The following MXD1 variants were observed in gnomAD, a reference collection of about 807,000 sequenced individuals.
The protein encoded by MXD1 is MAX-binding protein.
In MXD1, 9 loss-of-function variants were observed where a neutral mutation model predicts 25.7. The observed-to-expected ratio is 0.35, with a 90% CI of 0.21 to 0.61. The LOEUF (loss-of-function observed/expected upper bound fraction) is 0.61, where lower values mean the gene tolerates loss of function less well. Among genes scored for constraint, MXD1 ranks in the 20% least tolerant of loss-of-function variants. The pLI is 0.75. For missense variants in MXD1, 227 were observed against 292.4 expected, an observed-to-expected ratio of 0.78 and a Z score of 1.63; for synonymous variants, 99 against 113.9, an observed-to-expected ratio of 0.87 and a Z score of 0.83.
intron 3 of MXD1, among the ~76,000 whole-genome samples, chr2:69,923,815 T>C (rs964071992): frequency 2.6e-5 from 4 of 152,252 alleles, no homozygotes. Flanking sequence ...AGATTTTCTC[T>C]TCAGATTCTC....
rs372477349 is a variant in MXD1, at chr2:69,938,179, C to T, written c.561C>T (p.Asp187=). 54 of 1,614,090 alleles carry T rather than the reference C, an allele frequency of 3.3e-5. No individual in the cohort carries two copies. The highest frequency in any genetic ancestry group is 2.0e-4 in the Admixed American group (12 of 60,008). The change falls in exon 6 of 6, where the codon GAC becomes GAT. Residue 187 remains aspartate, a synonymous_variant. Transcript: ENST00000264444. ...GCAGCAGCAGTGTGAGCGACTCTGA[C>T]GAGCGGGGCAGCATGCAGAGCCTCG... ...DWSSSSVSDS[D]ERGSMQSLGS... is the part of the protein sequence containing the mutation.
chr2:69,920,337 T>C (rs1677042277), intron 2 of MXD1, among the ~76,000 whole-genome samples: 1 of 152,232 alleles, frequency 6.6e-6, no homozygotes, highest in Non-Finnish European at 1.5e-5. Context: ...ATGAGGTCCA[T>C]ATATTGTTTA....
At position 69,915,292 on chromosome 2, in the gene MXD1, A is replaced by C. The variant is rs1345889399; in HGVS notation, c.-39A>C. On this transcript the variant is annotated 5_prime_UTR_variant, in exon 1 of 6. Transcript: ENST00000264444. This position sits in a 1 kb window ranked among gnomAD's most constrained non-coding sequence, Gnocchi z 5.8. ...CGGCGGCGGCAGCGAGCCCGTGGGC[A>C]GTGGGGGTTGGTCCCGTGGCTCCGG... 3.1e-6 allele frequency: 4 copies of C among 1,302,710 alleles called. No individual in the cohort carries two copies. The Admixed American group carries it at 1.6e-4, about 53-fold the overall frequency. The allele number at this position is 1,302,710 out of a possible 1,614,324, so 80.7% of individuals were successfully genotyped here.
intron 3 of MXD1, 103 bp from the exon 4 acceptor site, chr2:69,935,248 G>A (rs568998840): frequency 1.1e-4 from 82 of 772,108 alleles, no homozygotes; most frequent in Middle Eastern, 3.5e-4. Context: ...ATTTGCCATC[G>A]CAAGGCCTGG....
In MXD1 at chr2:69,940,150, T is replaced by C. The variant is rs912233897; in HGVS notation, c.*1866T>C. ...GGAGGGGCAGGTGACACAAAGGATT[T>C]TTTTTTTTTTTTTTTAATTTTTGGA... On this transcript the variant is annotated 3_prime_UTR_variant, in exon 6 of 6. Transcript: ENST00000264444. 6.7e-6 allele frequency: 1 copy of C among 150,214 alleles called. No individual in the cohort carries two copies. The highest frequency in any genetic ancestry group is 1.5e-5 in the Non-Finnish European group (1 of 67,638). 9.3% of individuals were successfully genotyped at this position (150,214 alleles called of 1,614,324 possible). A position where few individuals can be genotyped will look rare whatever the true frequency, so the allele number is the denominator to read the frequency against.
intron 4 of MXD1, among the ~76,000 whole-genome samples, chr2:69,936,225 G>A (rs143525073): frequency 4.6e-5 from 7 of 152,166 alleles, no homozygotes; most frequent in African/African-American, 9.6e-5. Flanking sequence ...CCTCCTTCCT[G>A]TGACAGGTGG....
rs184517438 is a variant in MXD1, at chr2:69,936,393, G to A, written c.319-842G>A. On this transcript the variant is annotated intron_variant, in intron 4 of 5. Coordinates refer to ENST00000264444, the MANE Select transcript of MXD1 (RefSeq NM_002357.4). ...AGCCCCAGCACCTCCTAGGGTATCG[G>A]GCACAGAGTTGACACTCTCTTTGCT... 1.6e-3 allele frequency among the ~76,000 whole-genome samples: 239 copies of A among 152,256 alleles called. 1 individual carries two copies. The highest frequency in any genetic ancestry group is 2.0e-3 in the Non-Finnish European group (134 of 68,030).
At chr2:69,916,917 T>TA (rs1237183185) in intron 2 of MXD1, among the ~76,000 whole-genome samples, 16 of 152,246 alleles carry the variant, frequency 1.1e-4, no homozygotes, top group Admixed American at 1.0e-3. Context: ...AATCACATAT[T>TA]AAAGTCCTAT....
intron 3 of MXD1, among the ~76,000 whole-genome samples, chr2:69,929,172 C>T (rs1476969126): frequency 1.2e-4 from 18 of 152,160 alleles, no homozygotes. Flanking sequence ...GGATTACAGG[C>T]GTGAGCCACT....
intron 3 of MXD1, among the ~76,000 whole-genome samples, chr2:69,930,653 A>T (rs1024848205): frequency 6.6e-6 from 1 of 152,274 alleles, no homozygotes; most frequent in Non-Finnish European, 1.5e-5. Context: ...TCAAGGAAGT[A>T]TTCAGAAAAG....
At chr2:69,916,474 CT>C (rs1676964204) in intron 2 of MXD1, 1 of 280,832 alleles carries the variant, frequency 3.6e-6, no homozygotes, top group South Asian at 5.3e-5. Flanking sequence ...CTTTTCTTCC[CT>C]TTTGGAACAA....
intron 2 of MXD1, among the ~76,000 whole-genome samples, 181 bp from the exon 3 acceptor site, chr2:69,921,555 T>C (rs913330100): frequency 6.6e-6 from 1 of 152,252 alleles, no homozygotes; most frequent in Admixed American, 6.5e-5. Flanking sequence ...ATTTTAGGAT[T>C]TACATTTATC....
Position 69,937,237 on chromosome 2 carries a change from A to T in MXD1, c.321A>T (p.Lys107Asn), listed in dbSNP as rs779909048. ...ACAACTACCCCTTTGACTTGCAGAA[A>T]CTTGAAGATTGTGACAGAAAAGCCG... ...LLTKAKLHIKKLEDCDRKAVH... is the reference protein window; with the variant it reads ...LLTKAKLHIKNLEDCDRKAVH... Residue 107 changes from lysine to asparagine, a missense_variant and splice_region_variant, in exon 5 of 6, where the codon AAA becomes AAT. Physicochemically the swap from Lys to Asn is moderately conservative, Grantham distance 94. Coordinates refer to ENST00000264444, the MANE Select transcript of MXD1 (RefSeq NM_002357.4). 6.2e-7 allele frequency: 1 copy of T among 1,613,308 alleles called. No individual in the cohort carries two copies. Among genetic ancestry groups the T allele is most frequent in the East Asian group, 2.2e-5 (1 of 44,868 alleles).
chr2:69,931,220 A>G (rs1677274042), intron 3 of MXD1, among the ~76,000 whole-genome samples: 1 of 152,070 alleles, frequency 6.6e-6, no homozygotes, highest in Non-Finnish European at 1.5e-5. Context: ...AAAATATACA[A>G]TTATTTTGAC....
In MXD1 at chr2:69,938,393, C is replaced by T. The variant is rs1010657240; in HGVS notation, c.*109C>T. On this transcript the variant is annotated 3_prime_UTR_variant, in exon 6 of 6. Transcript: ENST00000264444. The stretch of plus-strand genomic sequence containing the variant: ...CTTGCACGTAAACTTCAGTGTCCCA[C>T]CTTGACCAAAATCAGCTTTGTAACT... 1 of 1,168,616 alleles carries T rather than the reference C, an allele frequency of 8.6e-7. No homozygotes were observed. The highest frequency in any genetic ancestry group is 1.5e-5 in the African/African-American group (1 of 64,856). 72.4% of individuals were successfully genotyped at this position (1,168,616 alleles called of 1,614,324 possible).
chr2:69,931,626 T>TA (rs766078097), intron 3 of MXD1, among the ~76,000 whole-genome samples: 166 of 152,296 alleles, frequency 1.1e-3, no homozygotes, highest in African/African-American at 4.0e-3. Context: ...CAGAATTTTT[T>TA]AAAAAAATTA....
chr2:69,921,704 T>A, intron 2 of MXD1, 32 bp from the exon 3 acceptor site: 1 of 1,593,944 alleles, frequency 6.3e-7, no homozygotes, highest in African/African-American at 1.3e-5. Flanking sequence ...GACAAAAATA[T>A]CTTATTCTTC....
Position 69,928,087 on chromosome 2 carries a change from T to C in MXD1, c.203+6322T>C, listed in dbSNP as rs116444442. On this transcript the variant is annotated intron_variant, in intron 3 of 5. Coordinates refer to ENST00000264444, the MANE Select transcript of MXD1 (RefSeq NM_002357.4). ...TAAGGGATTAATTTTACAAGTCCCA[T>C]TAATAAAACTTGTTCCTTCTTACTC... Among the ~76,000 whole-genome samples, 325 of 152,326 alleles carry C rather than the reference T, an allele frequency of 2.1e-3. 1 individual carries two copies. The highest frequency in any genetic ancestry group is 7.2e-3 in the African/African-American group (301 of 41,568).
In MXD1 at chr2:69,942,805, C is replaced by T. The variant is rs1558575954; in HGVS notation, c.*4521C>T. The T allele has an allele frequency of 6.6e-6, 1 of 152,172 alleles. No individual in the cohort carries two copies. Among genetic ancestry groups the T allele is most frequent in the Non-Finnish European group, 1.5e-5 (1 of 68,022 alleles). 9.4% of individuals were successfully genotyped at this position (152,172 alleles called of 1,614,324 possible). ...GCCAATGTAAATCCTGTGTCAAGAT[C>T]ATAGAGAATGGTGCTTTTTACTACA... is the stretch of plus-strand genomic sequence containing the variant. On this transcript the variant is annotated 3_prime_UTR_variant, in exon 6 of 6. Coordinates refer to ENST00000264444, the MANE Select transcript of MXD1 (RefSeq NM_002357.4).
Sources: allele counts gnomAD v4.1 joint callset (sites outside exome capture counted in the v4.1 genomes callset), GRCh38; gene constraint gnomAD v4.1.1; non-coding constraint Gnocchi (gnomAD v3.1); transcripts MANE v1.5; gene names NCBI Gene and HGNC (gene_info 2026-07-23, HGNC 2026-07-21).